The following FRMD4B variants were observed in gnomAD, a reference collection of about 807,000 sequenced individuals.
The protein encoded by FRMD4B is FERM domain-containing protein 4B.
Under a neutral mutation model 141.5 loss-of-function variants are expected in FRMD4B, and 74 were observed. The observed-to-expected ratio is 0.52, with a 90% CI of 0.43 to 0.63. FRMD4B has a LOEUF of 0.63. Among genes scored for constraint, FRMD4B ranks in the 30% least tolerant of loss-of-function variants. The probability of loss-of-function intolerance (pLI) is 0.00; values close to 1 mark genes in which losing one functional copy is unlikely to be tolerated. For synonymous variants in FRMD4B, 506 were observed against 467.9 expected (o/e 1.08, Z -1.05); for missense variants, 1,366 against 1,253.4 (o/e 1.09, Z -1.36).
At chr3:69,180,778 G>A (rs970770735) in intron 21 of FRMD4B, 121 bp downstream of exon 21, 3 of 666,188 alleles carry the variant, frequency 4.5e-6, no homozygotes, top group African/African-American at 3.6e-5. Context: ...GGGTTCCACC[G>A]AATGGTTGCC....
In FRMD4B at chr3:69,249,871, T is replaced by C. The variant is rs138744465; in HGVS notation, c.558+172A>G. Among the ~76,000 whole-genome samples the C allele has an allele frequency of 2.9e-3, 441 of 152,302 alleles. 2 individuals carry two copies. The highest frequency in any genetic ancestry group is 9.6e-3 in the African/African-American group (400 of 41,552). On this transcript the variant is annotated intron_variant, in intron 6 of 22. Coordinates refer to ENST00000398540, the MANE Select transcript of FRMD4B (RefSeq NM_015123.3). Reference sequence around the variant, plus strand: ...ACTCACAATATCACATTGTAGCTCATGCAAACTATTCTAAAGCAGAAGACG... The same window carrying C: ...ACTCACAATATCACATTGTAGCTCACGCAAACTATTCTAAAGCAGAAGACG...
chr3:69,221,453 A>C (rs1389866278), intron 9 of FRMD4B, among the ~76,000 whole-genome samples: 1 of 152,286 alleles, frequency 6.6e-6, no homozygotes, highest in Non-Finnish European at 1.5e-5. Flanking sequence ...CATTGCATTA[A>C]ATTTTCTTTA....
At chr3:69,483,401 G>C (rs1472170477) in intron 1 of FRMD4B, among the ~76,000 whole-genome samples, 2 of 152,190 alleles carry the variant, frequency 1.3e-5, no homozygotes, top group East Asian at 3.8e-4. Flanking sequence ...TGATAATAAA[G>C]ATTATAATGA....
chr3:69,242,944 A>T (rs887453282), intron 7 of FRMD4B, among the ~76,000 whole-genome samples: 3 of 148,846 alleles, frequency 2.0e-5, no homozygotes, highest in South Asian at 2.2e-4. Flanking sequence ...CAGTGAGCCG[A>T]GATCGCACTA....
intron 1 of FRMD4B, among the ~76,000 whole-genome samples, chr3:69,540,654 T>TACACACAC (rs1487394957): frequency 5.4e-4 from 42 of 78,162 alleles, no homozygotes; most frequent in African/African-American, 1.9e-3. Context: ...TATATATATA[T>TACACACAC]ATATATACAC....
At chr3:69,539,133 G>A (rs774143244) in intron 1 of FRMD4B, among the ~76,000 whole-genome samples, 1 of 152,220 alleles carries the variant, frequency 6.6e-6, no homozygotes. Flanking sequence ...TCACTTATGT[G>A]TGTAAGATAA....
intron 2 of FRMD4B, among the ~76,000 whole-genome samples, chr3:69,421,139 C>G (rs1335940591): frequency 6.6e-6 from 1 of 152,220 alleles, no homozygotes; most frequent in Non-Finnish European, 1.5e-5. Flanking sequence ...AGCTTAGATA[C>G]ACCCAGGTGC....
In FRMD4B at chr3:69,291,914, T is replaced by C. The variant is rs77173288; in HGVS notation, c.417-4078A>G. Reference sequence around the variant, plus strand: ...CAAAGTGCTCTACAGGAATCTCTTTTTTTTTTTTTTTTTTTTTTTCCATCT... The same window carrying C: ...CAAAGTGCTCTACAGGAATCTCTTTCTTTTTTTTTTTTTTTTTTTCCATCT... On this transcript the variant is annotated intron_variant, in intron 4 of 22. Transcript: ENST00000398540. Among the ~76,000 whole-genome samples, 24 of 140,996 alleles carry C rather than the reference T, an allele frequency of 1.7e-4. No homozygotes were observed. In the East Asian group the frequency reaches 3.6e-3, roughly 21 times the overall value. 92.5% of individuals were successfully genotyped at this position (140,996 alleles called of 152,430 possible). A position where few individuals can be genotyped will look rare whatever the true frequency, so the allele number is the denominator to read the frequency against.
At chr3:69,203,749 G>T (rs1248368527) in intron 11 of FRMD4B, among the ~76,000 whole-genome samples, 1 of 152,166 alleles carries the variant, frequency 6.6e-6, no homozygotes, top group Non-Finnish European at 1.5e-5. Context: ...TCAGCCCAAC[G>T]CCTGGCTCAG....
chr3:69,509,482 G>A (rs1706654369), intron 1 of FRMD4B, among the ~76,000 whole-genome samples: 1 of 152,116 alleles, frequency 6.6e-6, no homozygotes, highest in African/African-American at 2.4e-5. Context: ...TCAAGGTGCT[G>A]GAAGTGAGTC....
At chr3:69,407,711 C>T (rs1704672973) in intron 2 of FRMD4B, among the ~76,000 whole-genome samples, 1 of 152,218 alleles carries the variant, frequency 6.6e-6, no homozygotes, top group African/African-American at 2.4e-5. Flanking sequence ...GGCATTGCTT[C>T]GAGAAGGATT....
At chr3:69,395,458 C>T (rs1378574503) in intron 2 of FRMD4B, among the ~76,000 whole-genome samples, 2 of 151,916 alleles carry the variant, frequency 1.3e-5, no homozygotes, top group Admixed American at 1.3e-4. Context: ...TATCTCAAGG[C>T]CGGGTATACT....
At chr3:69,461,090 C>G (rs1160692638) in intron 1 of FRMD4B, among the ~76,000 whole-genome samples, 1 of 152,176 alleles carries the variant, frequency 6.6e-6, no homozygotes, top group Non-Finnish European at 1.5e-5. Flanking sequence ...TTGAATAGTT[C>G]TTTCAATTGT....
rs191575278 is a variant in FRMD4B at position 69,240,221 on chromosome 3, G to A, written c.581+9005C>T. On this transcript the variant is annotated intron_variant, in intron 7 of 22. Coordinates refer to ENST00000398540, the MANE Select transcript of FRMD4B (RefSeq NM_015123.3). ...AAAGGATACATAGGCCAGGCATGAT[G>A]GCTCATGCCTGTAATTTTGGGAGGC... Among the ~76,000 whole-genome samples, 31 of 152,098 alleles carry A rather than the reference G, an allele frequency of 2.0e-4. No individual in the cohort carries two copies. In the East Asian group the frequency reaches 5.8e-3, roughly 29 times the overall value.
chr3:69,216,427 C>CTA, intron 10 of FRMD4B, 78 bp from the exon 11 acceptor site: 5 of 607,944 alleles, frequency 8.2e-6, no homozygotes, highest in Middle Eastern at 2.7e-4. Context: ...CCAATTTCAC[C>CTA]TCTTTTTTTT....
At chr3:69,322,434 G>T (rs1702028622) in intron 1 of FRMD4B, among the ~76,000 whole-genome samples, 1 of 152,104 alleles carries the variant, frequency 6.6e-6, no homozygotes, top group South Asian at 2.1e-4. Context: ...TGCAATCACT[G>T]GAGACTTCTT....
intron 1 of FRMD4B, among the ~76,000 whole-genome samples, chr3:69,442,675 T>G (rs964519638): frequency 1.3e-5 from 2 of 152,200 alleles, no homozygotes; most frequent in Non-Finnish European, 2.9e-5. Flanking sequence ...GAGCCATACG[T>G]GCACCCACTG....
At chr3:69,466,675 C>G (rs1298506025) in intron 1 of FRMD4B, among the ~76,000 whole-genome samples, 1 of 152,040 alleles carries the variant, frequency 6.6e-6, no homozygotes. Flanking sequence ...AAGTTAAAAC[C>G]AACAAACAGA....
intron 4 of FRMD4B, among the ~76,000 whole-genome samples, chr3:69,294,001 A>G (rs1391879149): frequency 6.6e-6 from 1 of 152,128 alleles, no homozygotes; most frequent in Non-Finnish European, 1.5e-5. Flanking sequence ...TGTGAAACCA[A>G]TGCTTTTCTA....
Sources: allele counts gnomAD v4.1 joint callset (sites outside exome capture counted in the v4.1 genomes callset), GRCh38; gene constraint gnomAD v4.1.1; transcripts MANE v1.5; gene names NCBI Gene and HGNC (gene_info 2026-07-23, HGNC 2026-07-21).